SLC4A4: variants seen among roughly 807,000 people sequenced by gnomAD.
The protein encoded by SLC4A4 is solute carrier family 4 member 4, also known as electrogenic sodium bicarbonate cotransporter 1.
Under a neutral mutation model 111.5 loss-of-function variants are expected in SLC4A4, and 27 were observed. The observed-to-expected ratio is 0.24, with a 90% CI of 0.18 to 0.33. The LOEUF is 0.33. Ranked by LOEUF, SLC4A4 falls within the 10% of genes least tolerant of loss-of-function variation. SLC4A4 has a pLI of 1.00. For synonymous variants in SLC4A4, 443 were observed against 463.4 expected, an observed-to-expected ratio of 0.96 and a Z score of 0.57; for missense variants, 909 against 1,315.5, an observed-to-expected ratio of 0.69 and a Z score of 4.78.
At chr4:71,153,805 T>A (rs74653585) in intron 2 of SLC4A4, among the ~76,000 whole-genome samples, 5,762 of 152,226 alleles carry the variant, frequency 0.038, 353 homozygotes, top group African/African-American at 0.13. Flanking sequence ...TTTTAGGACT[T>A]CTACTCATTC....
intron 2 of SLC4A4, among the ~76,000 whole-genome samples, chr4:71,179,371 A>G (rs1745208963): frequency 6.6e-6 from 1 of 152,206 alleles, no homozygotes; most frequent in African/African-American, 2.4e-5. Flanking sequence ...CAGGCAGAAG[A>G]AGGAAATAAA....
intron 12 of SLC4A4, among the ~76,000 whole-genome samples, chr4:71,461,891 G>T (rs1053483859): frequency 6.6e-6 from 1 of 152,110 alleles, no homozygotes; most frequent in Non-Finnish European, 1.5e-5. Flanking sequence ...TCATTGACTT[G>T]CACGTGATGC....
intron 20 of SLC4A4, among the ~76,000 whole-genome samples, chr4:71,551,257 TAGTCAAATTTATCTTTA>T: frequency 6.6e-6 from 1 of 151,936 alleles, no homozygotes; most frequent in Non-Finnish European, 1.5e-5. Context: ...TAATTAGGAG[TAGTCAAATTTATCTTTA>T]AGATTTGTTT....
chr4:71,210,931 A>G (rs1718100068), intron 1 of SLC4A4, among the ~76,000 whole-genome samples: 1 of 152,234 alleles, frequency 6.6e-6, no homozygotes, highest in South Asian at 2.1e-4. Flanking sequence ...ATGAAAAGTG[A>G]TAGAGAAAAA....
intron 2 of SLC4A4, among the ~76,000 whole-genome samples, chr4:71,118,844 T>C (rs1157696795): frequency 6.6e-6 from 1 of 152,162 alleles, no homozygotes; most frequent in Non-Finnish European, 1.5e-5. Flanking sequence ...TTTTTATTTG[T>C]TACAGGGAAA....
intron 3 of SLC4A4, chr4:71,300,723 AG>A: frequency 2.7e-6 from 1 of 373,180 alleles, no homozygotes; most frequent in Non-Finnish European, 5.4e-6. Flanking sequence ...CAGCTTCTGG[AG>A]GGGGCCTGGG....
chr4:71,147,731 C>A (rs1403894985), intron 2 of SLC4A4, among the ~76,000 whole-genome samples: 2 of 152,094 alleles, frequency 1.3e-5, no homozygotes, highest in Non-Finnish European at 2.9e-5. Context: ...CAGGTAGGGT[C>A]TTTCTGAGGA....
At chr4:71,300,728 G>A (rs1033522026) in intron 3 of SLC4A4, 58 of 376,160 alleles carry the variant, frequency 1.5e-4, no homozygotes, top group Middle Eastern at 4.8e-4. Context: ...TCTGGAGGGG[G>A]CCTGGGAAGG....
At chr4:71,143,411 G>A (rs867852610) in intron 2 of SLC4A4, among the ~76,000 whole-genome samples, 5 of 152,122 alleles carry the variant, frequency 3.3e-5, no homozygotes, top group Admixed American at 2.6e-4. Context: ...GTAGACATAC[G>A]TGTGCATGTG....
chr4:71,272,356 A>T (rs1947378), intron 3 of SLC4A4, among the ~76,000 whole-genome samples: 18,075 of 152,108 alleles, frequency 0.12, 1,152 homozygotes, highest in South Asian at 0.19. Flanking sequence ...CCCAATAAGG[A>T]AGGTACTTAT....
intron 3 of SLC4A4, among the ~76,000 whole-genome samples, chr4:71,297,090 C>T (rs1724853203): frequency 6.6e-6 from 1 of 152,198 alleles, no homozygotes; most frequent in Admixed American, 6.5e-5. Context: ...CTTAGTTGCA[C>T]CCAGTGGCAA....
intron 13 of SLC4A4, among the ~76,000 whole-genome samples, chr4:71,469,328 A>T (rs1350369279): frequency 1.3e-5 from 2 of 151,958 alleles, no homozygotes; most frequent in African/African-American, 2.4e-5. Context: ...GTTTACTTTT[A>T]AGCCTTCAAA....
chr4:71,321,907 G>T (rs1468906990), intron 3 of SLC4A4, among the ~76,000 whole-genome samples: 1 of 151,988 alleles, frequency 6.6e-6, no homozygotes, highest in Non-Finnish European at 1.5e-5. Context: ...AACTATAGAT[G>T]TCAAGTAGGA....
chr4:71,156,590 A>G (rs200745112), intron 2 of SLC4A4, among the ~76,000 whole-genome samples: 117 of 122,964 alleles, frequency 9.5e-4, no homozygotes, highest in Middle Eastern at 3.9e-3. Context: ...GCGCGCGCGC[A>G]CACACACACA....
chr4:71,525,171 G>A (rs1733304462), intron 16 of SLC4A4, among the ~76,000 whole-genome samples: 3 of 152,058 alleles, frequency 2.0e-5, no homozygotes, highest in Non-Finnish European at 4.4e-5. Flanking sequence ...TGCCAAAGAA[G>A]GAGAGAACAG....
intron 1 of SLC4A4, among the ~76,000 whole-genome samples, chr4:71,224,724 G>A (rs763791795): frequency 6.6e-6 from 1 of 152,186 alleles, no homozygotes; most frequent in Non-Finnish European, 1.5e-5. Flanking sequence ...AAAGAGGTAA[G>A]TGATGTAATT....
At chr4:71,373,478 C>T (rs1240011384) in intron 6 of SLC4A4, among the ~76,000 whole-genome samples, 1 of 152,022 alleles carries the variant, frequency 6.6e-6, no homozygotes, top group Non-Finnish European at 1.5e-5. Flanking sequence ...AAAGATCATG[C>T]TAGGCTAGAG....
At chr4:71,385,612 T>C (rs1718643130) in intron 6 of SLC4A4, among the ~76,000 whole-genome samples, 1 of 152,188 alleles carries the variant, frequency 6.6e-6, no homozygotes, top group African/African-American at 2.4e-5. Flanking sequence ...ATGAATATGG[T>C]TTACCCTAAA....
intron 2 of SLC4A4, among the ~76,000 whole-genome samples, chr4:71,179,140 G>A (rs1745198076): frequency 1.3e-5 from 2 of 152,264 alleles, no homozygotes; most frequent in South Asian, 4.2e-4. Context: ...AAAGGCCTTT[G>A]ACAAAATTCA....
Sources: allele counts gnomAD v4.1 joint callset (sites outside exome capture counted in the v4.1 genomes callset), GRCh38; gene constraint gnomAD v4.1.1; transcripts MANE v1.5; gene names NCBI Gene and HGNC (gene_info 2026-07-23, HGNC 2026-07-21).